Variants in UBE3D observed in about 807,000 individuals in gnomAD.
UBE3D encodes ubiquitin protein ligase E3D.
In UBE3D, 48 loss-of-function variants were observed where a neutral mutation model predicts 49.6. The observed-to-expected ratio is 0.97, with a 90% confidence interval of 0.77 to 1.23. The LOEUF (loss-of-function observed/expected upper bound fraction) is 1.23, where lower values mean the gene tolerates loss of function less well. Among genes scored for constraint, UBE3D ranks in the 50% most tolerant of loss-of-function variants. UBE3D has a pLI of 0.00. For synonymous variants in UBE3D, 189 were observed against 174.2 expected (o/e 1.08, Z -0.67); for missense variants, 452 against 468.4 (o/e 0.96, Z 0.32).
At chr6:83,056,951 C>T (rs1032029006) in intron 2 of UBE3D, among the ~76,000 whole-genome samples, 4 of 152,254 alleles carry the variant, frequency 2.6e-5, no homozygotes, top group East Asian at 3.9e-4. Flanking sequence ...GCATATATTA[C>T]GTACATTGTA....
intron 8 of UBE3D, among the ~76,000 whole-genome samples, chr6:83,006,940 TAG>T (rs1188771832): frequency 7.2e-5 from 11 of 152,090 alleles, no homozygotes; most frequent in African/African-American, 2.7e-4. Flanking sequence ...TAAAATTAAG[TAG>T]AGTTTCAATT....
At chr6:82,938,337 C>T (rs293526) in intron 9 of UBE3D, 102,235 of 151,948 alleles carry the variant, frequency 0.67, 34,889 homozygotes, top group East Asian at 0.79. Context: ...GACTGTCCTA[C>T]CACATCAGAC....
At chr6:82,898,607 C>T (rs1286345697) in intron 9 of UBE3D, among the ~76,000 whole-genome samples, 1 of 151,340 alleles carries the variant, frequency 6.6e-6, no homozygotes, top group African/African-American at 2.4e-5. Flanking sequence ...TATTCTCACT[C>T]ATAAGTGGGA....
intron 8 of UBE3D, among the ~76,000 whole-genome samples, chr6:83,002,184 C>G (rs1050129206): frequency 3.0e-4 from 46 of 152,066 alleles, no homozygotes; most frequent in African/African-American, 1.1e-3. Flanking sequence ...TACTTTCTAC[C>G]TTTTGTTCTA....
intron 5 of UBE3D, among the ~76,000 whole-genome samples, chr6:83,029,335 G>A (rs892986727): frequency 3.9e-5 from 6 of 152,048 alleles, no homozygotes; most frequent in African/African-American, 1.4e-4. Context: ...GGATTAATCT[G>A]TAAGTTCAAT....
At chr6:82,921,741 A>T (rs1479087941) in intron 9 of UBE3D, among the ~76,000 whole-genome samples, 9 of 152,132 alleles carry the variant, frequency 5.9e-5, no homozygotes. Flanking sequence ...TCTATGCAGG[A>T]ACATATTTTC....
chr6:83,013,625 G>A (rs534585581), intron 8 of UBE3D, among the ~76,000 whole-genome samples: 142 of 152,296 alleles, frequency 9.3e-4, no homozygotes, highest in Non-Finnish European at 1.3e-3. Flanking sequence ...CCTACCAGGC[G>A]TTGTGCCTCT....
At position 83,065,813 on chromosome 6, in the gene UBE3D, G is replaced by C. The variant is rs958233295; in HGVS notation, c.-95C>G. The C allele has an allele frequency of 4.1e-5, 54 of 1,301,390 alleles. No homozygotes were observed. Among genetic ancestry groups the C allele is most frequent in the Middle Eastern group, 2.4e-4 (1 of 4,128 alleles). 80.6% of individuals were successfully genotyped at this position (1,301,390 alleles called of 1,614,324 possible). ...AGGTTCCACGTGCGGACCAACCAGC[G>C]GCAGCCCCGCTGCGGCGCAGGCGCC... On this transcript the variant is annotated 5_prime_UTR_variant, in exon 1 of 10. Coordinates refer to ENST00000369747, the MANE Select transcript of UBE3D (RefSeq NM_198920.3).
At chr6:83,059,695 G>A (rs1486512027) in intron 1 of UBE3D, among the ~76,000 whole-genome samples, 1 of 152,116 alleles carries the variant, frequency 6.6e-6, no homozygotes, top group Non-Finnish European at 1.5e-5. Context: ...CATTGCAAGG[G>A]TGGTGACACA....
chr6:83,021,243 C>A (rs1049874570), intron 7 of UBE3D, among the ~76,000 whole-genome samples: 2 of 152,006 alleles, frequency 1.3e-5, no homozygotes, highest in African/African-American at 4.8e-5. Context: ...GAGTTTGAGA[C>A]CAACCTGGGC....
At chr6:82,921,919 A>T (rs1006803224) in intron 9 of UBE3D, among the ~76,000 whole-genome samples, 2 of 152,230 alleles carry the variant, frequency 1.3e-5, no homozygotes, top group Non-Finnish European at 2.9e-5. Flanking sequence ...AACAAATAAA[A>T]GAAATAGCAA....
intron 8 of UBE3D, among the ~76,000 whole-genome samples, chr6:82,958,247 A>G (rs924070613): frequency 6.6e-6 from 1 of 152,174 alleles, no homozygotes; most frequent in Non-Finnish European, 1.5e-5. Context: ...AACATCAAAA[A>G]ATAATTATGA....
At chr6:83,024,110 A>G (rs2127777580) in intron 5 of UBE3D, 72 bp from the exon 6 acceptor site, 1 of 755,754 alleles carries the variant, frequency 1.3e-6, no homozygotes, top group South Asian at 2.2e-5. Flanking sequence ...GTTGACTCCA[A>G]ATTAGGATAT....
chr6:82,888,180 C>T (rs1032212286), downstream of UBE3D, among the ~76,000 whole-genome samples: 2 of 151,900 alleles, frequency 1.3e-5, no homozygotes, highest in Non-Finnish European at 2.9e-5. Context: ...GGGTACTGGG[C>T]AGAGGGTGAC....
intron 9 of UBE3D, among the ~76,000 whole-genome samples, chr6:82,937,237 G>A (rs1298254038): frequency 6.6e-6 from 1 of 152,144 alleles, no homozygotes; most frequent in Non-Finnish European, 1.5e-5. Flanking sequence ...TCTCAATGGA[G>A]GCTTGAGAAC....
At chr6:82,890,674 G>T (rs1380187475), downstream of UBE3D, among the ~76,000 whole-genome samples, 1 of 152,160 alleles carries the variant, frequency 6.6e-6, no homozygotes, top group Non-Finnish European at 1.5e-5. Context: ...CAGAAAGAAG[G>T]CTGGCTTGGT....
intron 9 of UBE3D, among the ~76,000 whole-genome samples, chr6:82,916,770 C>T (rs1485398849): frequency 6.6e-6 from 1 of 152,198 alleles, no homozygotes; most frequent in Non-Finnish European, 1.5e-5. Context: ...CAATCTCATG[C>T]TTTCAGCTGA....
rs150998892 is a variant in UBE3D, at chr6:82,929,249, A to G, written c.1149+28063T>C. Among the ~76,000 whole-genome samples, 772 of 151,766 alleles carry G rather than the reference A, an allele frequency of 5.1e-3. 16 individuals are homozygous for G. Among genetic ancestry groups the G allele is most frequent in the Admixed American group, 0.038 (583 of 15,252 alleles). On this transcript the variant is annotated intron_variant, in intron 9 of 9. Transcript: ENST00000369747. ...TTACATAACTGTGGGCCCTAATCAC[A>G]TCTGATGGAGATCAACACTGACCTA...
chr6:83,013,117 T>C (rs1780462820), intron 8 of UBE3D, among the ~76,000 whole-genome samples: 1 of 152,194 alleles, frequency 6.6e-6, no homozygotes, highest in Non-Finnish European at 1.5e-5. Context: ...CAATCATGCA[T>C]ATACCACTTC....
Sources: gnomAD v4.1 joint callset for allele counts (sites outside exome capture counted in the v4.1 genomes callset) on GRCh38, gnomAD v4.1.1 for gene constraint, MANE v1.5 for transcripts, NCBI Gene and HGNC (gene_info 2026-07-23, HGNC 2026-07-21) for gene names.